SYNPR: variants seen among roughly 807,000 people sequenced by gnomAD.
SYNPR encodes the protein synaptoporin.
SYNPR carries 23 observed loss-of-function variants against 32.9 expected under a neutral mutation model. The observed-to-expected ratio is 0.70, with a 90% CI of 0.50 to 0.99. SYNPR has a LOEUF of 0.99. Among genes scored for constraint, SYNPR ranks in the 50% least tolerant of loss-of-function variants. SYNPR has a pLI of 0.00. For missense variants in SYNPR, 318 were observed against 349.3 expected, an observed-to-expected ratio of 0.91 and a Z score of 0.71; for synonymous variants, 146 against 135.9, an observed-to-expected ratio of 1.07 and a Z score of -0.52.
intron 3 of SYNPR, among the ~76,000 whole-genome samples, chr3:63,496,089 T>C (rs879224869): frequency 1.1e-4 from 17 of 152,098 alleles, no homozygotes; most frequent in Non-Finnish European, 2.1e-4. Context: ...TTCCTCCCAA[T>C]TTTTCTGTGA....
intron 2 of SYNPR, among the ~76,000 whole-genome samples, chr3:63,318,345 T>C (rs1473147880): frequency 6.6e-6 from 1 of 152,050 alleles, no homozygotes; most frequent in Non-Finnish European, 1.5e-5. Context: ...CCCCTGAATA[T>C]GTTTTCCAAG....
intron 2 of SYNPR, among the ~76,000 whole-genome samples, chr3:63,305,786 C>G (rs114890398): frequency 6.6e-6 from 1 of 152,002 alleles, no homozygotes. Context: ...CCCCTTCCAG[C>G]CCTTCTTGCA....
chr3:63,567,568 G>A (rs973016626), intron 4 of SYNPR, among the ~76,000 whole-genome samples: 2 of 152,162 alleles, frequency 1.3e-5, no homozygotes, highest in African/African-American at 4.8e-5. Context: ...GCTTAAGAAT[G>A]TCTTGCTCTA....
At chr3:63,447,896 T>C (rs1700307807) in intron 2 of SYNPR, among the ~76,000 whole-genome samples, 1 of 152,180 alleles carries the variant, frequency 6.6e-6, no homozygotes, top group South Asian at 2.1e-4. Context: ...CCAATCTAAG[T>C]GGATGATCAT....
chr3:63,219,453 TTAAG>T, the SYNPR span, among the ~76,000 whole-genome samples: 6 of 152,096 alleles, frequency 3.9e-5, no homozygotes, highest in Non-Finnish European at 8.8e-5. Context: ...TTGAAGAGTT[TTAAG>T]TAAGTACAAA....
At chr3:63,531,270 A>T (rs1270340190) in intron 3 of SYNPR, among the ~76,000 whole-genome samples, 1 of 152,170 alleles carries the variant, frequency 6.6e-6, no homozygotes, top group Non-Finnish European at 1.5e-5. Flanking sequence ...TTGTCTCATC[A>T]TTCTGAAAGA....
intron 3 of SYNPR, among the ~76,000 whole-genome samples, chr3:63,500,294 T>A (rs560996042): frequency 1.5e-4 from 23 of 152,256 alleles, no homozygotes; most frequent in African/African-American, 4.8e-4. Flanking sequence ...GTCATCTCAA[T>A]CATCAAGGCT....
At chr3:63,257,333 C>T (rs1186714623) in intron 2 of SYNPR, among the ~76,000 whole-genome samples, 1 of 152,112 alleles carries the variant, frequency 6.6e-6, no homozygotes, top group African/African-American at 2.4e-5. Flanking sequence ...GTCGGGTTAC[C>T]CACAAAGGGA....
chr3:63,414,230 A>T (rs1644261853), intron 2 of SYNPR, among the ~76,000 whole-genome samples: 1 of 152,140 alleles, frequency 6.6e-6, no homozygotes, highest in African/African-American at 2.4e-5. Context: ...ATATCTGAAA[A>T]CTTAAAATGT....
At chr3:63,433,903 A>G (rs1183386266) in intron 2 of SYNPR, among the ~76,000 whole-genome samples, 1 of 152,184 alleles carries the variant, frequency 6.6e-6, no homozygotes, top group Non-Finnish European at 1.5e-5. Flanking sequence ...TCCAATTAAA[A>G]TAATGCCCCA....
chr3:63,443,406 C>T (rs1365748407), intron 2 of SYNPR: 1 of 1,596,156 alleles, frequency 6.3e-7, no homozygotes, highest in Non-Finnish European at 8.5e-7. Context: ...CCTCTATTTT[C>T]TTTCAGGAGA....
chr3:63,578,971 TA>T (rs1375031516), intron 4 of SYNPR, among the ~76,000 whole-genome samples: 1 of 152,120 alleles, frequency 6.6e-6, no homozygotes, highest in Non-Finnish European at 1.5e-5. Context: ...TCTACACCCT[TA>T]AATCAAATCC....
chr3:63,491,290 G>A (rs1701253508), intron 3 of SYNPR, among the ~76,000 whole-genome samples: 1 of 152,100 alleles, frequency 6.6e-6, no homozygotes, highest in African/African-American at 2.4e-5. Flanking sequence ...ATGCCAGGTG[G>A]TTCAATTACA....
At chr3:63,318,126 G>C (rs897714126) in intron 2 of SYNPR, among the ~76,000 whole-genome samples, 1 of 152,080 alleles carries the variant, frequency 6.6e-6, no homozygotes, top group Non-Finnish European at 1.5e-5. Context: ...GAAATCTGCT[G>C]TTAATCTGAT....
chr3:63,596,967 T>C (rs1242667500), intron 4 of SYNPR, among the ~76,000 whole-genome samples: 5 of 152,176 alleles, frequency 3.3e-5, no homozygotes, highest in Non-Finnish European at 7.3e-5. Flanking sequence ...ACATCACGTT[T>C]CAAAGACTTA....
chr3:63,422,729 G>A (rs555805875), intron 2 of SYNPR, among the ~76,000 whole-genome samples: 1 of 152,104 alleles, frequency 6.6e-6, no homozygotes, highest in East Asian at 1.9e-4. Flanking sequence ...AACTACAGAT[G>A]GTTTTGGTCC....
intron 1 of SYNPR, among the ~76,000 whole-genome samples, chr3:63,236,837 CTG>C (rs1374046183): frequency 6.6e-6 from 1 of 152,096 alleles, no homozygotes; most frequent in South Asian, 2.1e-4. Context: ...CCTTTCCAAT[CTG>C]TATGCCTTTC....
chr3:63,488,864 C>A (rs1701204431), intron 3 of SYNPR, among the ~76,000 whole-genome samples: 1 of 145,606 alleles, frequency 6.9e-6, no homozygotes, highest in South Asian at 2.1e-4. Flanking sequence ...TGGCTGCTGG[C>A]ATGAAAAGGG....
intron 3 of SYNPR, among the ~76,000 whole-genome samples, chr3:63,531,576 A>G (rs1702112918): frequency 1.3e-5 from 2 of 152,184 alleles, no homozygotes; most frequent in African/African-American, 4.8e-5. Flanking sequence ...GCTTCCATAT[A>G]AGGTCACATT....
Sources: gnomAD v4.1 joint callset for allele counts (sites outside exome capture counted in the v4.1 genomes callset) on GRCh38, gnomAD v4.1.1 for gene constraint, MANE v1.5 for transcripts, NCBI Gene and HGNC (gene_info 2026-07-23, HGNC 2026-07-21) for gene names.